The following PARD3 variants were observed in gnomAD, a reference collection of about 807,000 sequenced individuals.
PARD3 encodes par-3 family cell polarity regulator.
A neutral mutation model predicts 155.4 loss-of-function variants in PARD3; 75 were observed. The observed-to-expected ratio is 0.48, with a 90% CI of 0.40 to 0.58. The LOEUF is 0.58. Among genes scored for constraint, PARD3 ranks in the 20% least tolerant of loss-of-function variants. The pLI, the probability that PARD3 is intolerant of heterozygous loss-of-function variation, is 0.00. For synonymous variants in PARD3, 576 were observed against 610.5 expected (o/e 0.94, Z 0.83); for missense variants, 1,642 against 1,721.7 (o/e 0.95, Z 0.82).
chr10:34,556,165 T>C (rs1369738075), intron 2 of PARD3, among the ~76,000 whole-genome samples: 1 of 152,246 alleles, frequency 6.6e-6, no homozygotes, highest in Non-Finnish European at 1.5e-5. Flanking sequence ...AATGTCTTTC[T>C]AGTTCTTGTT....
At chr10:34,506,664 T>C (rs2081085066) in intron 3 of PARD3, among the ~76,000 whole-genome samples, 1 of 152,216 alleles carries the variant, frequency 6.6e-6, no homozygotes, top group Non-Finnish European at 1.5e-5. Context: ...ATGTTATTAA[T>C]GTGTTAGAAA....
intron 2 of PARD3, among the ~76,000 whole-genome samples, chr10:34,569,896 C>CAAA (rs35199552): frequency 4.2e-4 from 56 of 132,508 alleles, no homozygotes; most frequent in Admixed American, 6.6e-4. Flanking sequence ...CCTACTCAAG[C>CAAA]AAAAAAAAAA....
At chr10:34,691,079 C>T (rs1590668945) in intron 2 of PARD3, among the ~76,000 whole-genome samples, 1 of 152,098 alleles carries the variant, frequency 6.6e-6, no homozygotes, top group Non-Finnish European at 1.5e-5. Flanking sequence ...AGCCAGGCAT[C>T]GTGCAGTATG....
intron 2 of PARD3, among the ~76,000 whole-genome samples, chr10:34,653,736 T>C (rs952209198): frequency 6.7e-6 from 1 of 150,292 alleles, no homozygotes; most frequent in Non-Finnish European, 1.5e-5. Flanking sequence ...TGAGCTATGT[T>C]CGCACCTGTG....
intron 2 of PARD3, among the ~76,000 whole-genome samples, chr10:34,629,520 G>C (rs1289280553): frequency 6.6e-6 from 1 of 152,252 alleles, no homozygotes; most frequent in Non-Finnish European, 1.5e-5. Context: ...TTGCTGCTCA[G>C]AGTGTGGCTA....
chr10:34,443,055 GAAAAA>G (rs761289062), intron 5 of PARD3, among the ~76,000 whole-genome samples: 32 of 149,358 alleles, frequency 2.1e-4, no homozygotes, highest in South Asian at 1.1e-3. Flanking sequence ...CAGATCAGTG[GAAAAA>G]AAACAACTCT....
At chr10:34,247,759 C>G (rs1268386303) in intron 22 of PARD3, among the ~76,000 whole-genome samples, 1 of 152,174 alleles carries the variant, frequency 6.6e-6, no homozygotes, top group African/African-American at 2.4e-5. Flanking sequence ...CATTGCTAGA[C>G]ACAGAAATTG....
chr10:34,401,496 C>T (rs1470590134), intron 6 of PARD3, among the ~76,000 whole-genome samples: 1 of 152,060 alleles, frequency 6.6e-6, no homozygotes, highest in Non-Finnish European at 1.5e-5. Context: ...AAAATATTGA[C>T]ACACAAAGCA....
intron 22 of PARD3, among the ~76,000 whole-genome samples, chr10:34,261,807 AAGAAAGAAAGAAAG>A (rs1955022691): frequency 6.7e-6 from 1 of 149,768 alleles, no homozygotes; most frequent in African/African-American, 2.5e-5. Flanking sequence ...GAAAGAAAGA[AAGAAAGAAAGAAAG>A]AAAGAAACAA....
chr10:34,414,617 A>C (rs1353879236), intron 5 of PARD3, among the ~76,000 whole-genome samples: 1 of 151,614 alleles, frequency 6.6e-6, no homozygotes, highest in Admixed American at 6.6e-5. Context: ...GGAGTTCAAG[A>C]CCAGCCTGGG....
chr10:34,422,169 C>A (rs751529021), intron 5 of PARD3, among the ~76,000 whole-genome samples: 4 of 151,652 alleles, frequency 2.6e-5, no homozygotes, highest in African/African-American at 4.9e-5. Context: ...TAGATAATAT[C>A]ATGGATTTTA....
chr10:34,313,200 C>T (rs1373572593), intron 20 of PARD3, among the ~76,000 whole-genome samples: 1 of 152,166 alleles, frequency 6.6e-6, no homozygotes, highest in Non-Finnish European at 1.5e-5. Flanking sequence ...ATCAAACATA[C>T]ACAGACTCAA....
chr10:34,309,175 C>T (rs1489358760), intron 20 of PARD3, among the ~76,000 whole-genome samples: 4 of 152,010 alleles, frequency 2.6e-5, no homozygotes, highest in Non-Finnish European at 5.9e-5. Flanking sequence ...GACATGAGAT[C>T]GTAGTTGGAG....
intron 2 of PARD3, among the ~76,000 whole-genome samples, chr10:34,593,230 A>T (rs2088890624): frequency 6.6e-6 from 1 of 152,256 alleles, no homozygotes; most frequent in African/African-American, 2.4e-5. Flanking sequence ...TAATCAAATC[A>T]GATAAATTCT....
chr10:34,317,046 T>C lies in PARD3; in HGVS notation c.3065+61A>G. On this transcript the variant is annotated intron_variant, in intron 20 of 24. Coordinates refer to ENST00000374788, the MANE Select transcript of PARD3 (RefSeq NM_001184785.2). Reference sequence around the variant, plus strand: ...TACCGTGTCCAGTTTTTAGTACTTTTTGCTAAGCTCACACTCCTGTATGTT... The same window carrying C: ...TACCGTGTCCAGTTTTTAGTACTTTCTGCTAAGCTCACACTCCTGTATGTT... 3 of 1,454,728 alleles carry C rather than the reference T, an allele frequency of 2.1e-6. No homozygotes were observed. In the African/African-American group the frequency reaches 4.3e-5, roughly 21 times the overall value. The allele number at this position is 1,454,728 out of a possible 1,614,324, so 90.1% of individuals were successfully genotyped here. A position where few individuals can be genotyped will look rare whatever the true frequency, so the allele number is the denominator to read the frequency against.
intron 1 of PARD3, among the ~76,000 whole-genome samples, chr10:34,712,473 G>A (rs2094461676): frequency 6.6e-6 from 1 of 152,120 alleles, no homozygotes. Flanking sequence ...TTTTCCATGT[G>A]ACAATCCTGC....
In PARD3 at chr10:34,331,218, C is replaced by T. The variant is rs762740782; in HGVS notation, c.2732G>A (p.Arg911Gln). 15 of 1,613,880 alleles carry T rather than the reference C, an allele frequency of 9.3e-6. No individual in the cohort carries two copies. The highest frequency in any genetic ancestry group is 1.7e-5 in the Admixed American group (1 of 59,962). ...GDIPFHRPRP[R>Q]IIRGRGCNES... is the part of the protein sequence containing the mutation. ...ATTGCATCCCCTGCCTCTGATTATCCGCGGCCGTGGACGATGGAAAGGAAT... is the reference window on the plus strand; with the variant it reads ...ATTGCATCCCCTGCCTCTGATTATCTGCGGCCGTGGACGATGGAAAGGAAT... Residue 911 changes from arginine (R) to glutamine (Q), a missense_variant, in exon 19 of 25, where the codon CGG (arginine) becomes CAG (glutamine). Physicochemically the swap from Arg to Gln is conservative, Grantham distance 43 (BLOSUM62 1). Around this residue, in one of 3 missense-constraint regions of PARD3, gnomAD observed 1,529 missense variants for 1,587.3 expected, o/e 0.96. Transcript: ENST00000374788.
intron 2 of PARD3, among the ~76,000 whole-genome samples, chr10:34,568,202 C>T (rs918298640): frequency 1.3e-5 from 2 of 152,142 alleles, no homozygotes; most frequent in Non-Finnish European, 2.9e-5. Context: ...TTTTATGCTG[C>T]TGGAATATCA....
chr10:34,734,097 C>A (rs1323992100), intron 1 of PARD3, among the ~76,000 whole-genome samples: 2 of 151,882 alleles, frequency 1.3e-5, no homozygotes, highest in East Asian at 1.9e-4. Flanking sequence ...GTTTCCTAAT[C>A]TCCTAATTTA....
Sources: allele counts gnomAD v4.1 joint callset (sites outside exome capture counted in the v4.1 genomes callset), GRCh38; gene constraint gnomAD v4.1.1; regional missense constraint gnomAD v4.1.1; transcripts MANE v1.5; gene names NCBI Gene and HGNC (gene_info 2026-07-23, HGNC 2026-07-21).